Variants in LYST observed in about 807,000 individuals in gnomAD.
LYST encodes the protein lysosomal-trafficking regulator.
In LYST, 192 loss-of-function variants were observed where a neutral mutation model predicts 413.6. That is an observed-to-expected ratio of 0.46 (90% CI 0.41 to 0.52). The LOEUF is 0.52. LYST is among the 20% of genes least tolerant of loss of function. LYST has a pLI of 0.00. For synonymous variants in LYST, 1,525 were observed against 1,567.3 expected, an observed-to-expected ratio of 0.97 and a Z score of 0.64; for missense variants, 3,815 against 4,499.9, an observed-to-expected ratio of 0.85 and a Z score of 4.35.
rs1442133374 is a variant in LYST at position 235,808,760 on chromosome 1, C to A, written c.2058G>T (p.Leu686Phe). 6.2e-7 allele frequency: 1 copy of A among 1,613,976 alleles called. No homozygotes were observed. Among genetic ancestry groups the A allele is most frequent in the Non-Finnish European group, 8.5e-7 (1 of 1,180,000 alleles). Residue 686 changes from leucine (L) to phenylalanine (F), a missense_variant, in exon 5 of 53, where the codon TTG (leucine) becomes TTT (phenylalanine). Leu to Phe is a conservative substitution (Grantham distance 22, BLOSUM62 0). Transcript: ENST00000389793. ...CCTTTAAAGCATCCCATTTCCACAACAAATCTTCAGATCCACTGCTGGGCA... is the reference window on the plus strand; with the variant it reads ...CCTTTAAAGCATCCCATTTCCACAAAAAATCTTCAGATCCACTGCTGGGCA... ...GILPSSGSED[L>F]LWKWDALKAY... is the part of the protein sequence containing the mutation.
rs1317545310 is a variant in LYST, at chr1:235,806,240, T to C, written c.2896A>G (p.Met966Val). ...CTCAACATGTAGATCCAACGACACA[T>C]AGACCAAATGTCTGCTGCTTGGTGC... ...HMHQAADIWS[M>V]CRWIYMLSSV... is the part of the protein sequence containing the mutation. The change falls in exon 6 of 53, where the codon ATG (methionine) becomes GTG (valine). Residue 966 changes from methionine (M) to valine (V), a missense_variant. Transcript: ENST00000389793. The C allele has an allele frequency of 1.9e-6, 3 of 1,613,870 alleles. No individual in the cohort carries two copies. Among genetic ancestry groups the C allele is most frequent in the Admixed American group, 1.7e-5 (1 of 59,970 alleles).
chr1:235,835,588 T>C (rs1676487370), intron 1 of LYST, among the ~76,000 whole-genome samples: 2 of 152,362 alleles, frequency 1.3e-5, no homozygotes, highest in Admixed American at 6.5e-5. Context: ...AGTTTCATTT[T>C]ATCCAAGATC....
intron 29 of LYST, among the ~76,000 whole-genome samples, chr1:235,744,605 G>A (rs1371489904): frequency 8.1e-6 from 1 of 123,686 alleles, no homozygotes; most frequent in African/African-American, 3.3e-5. Context: ...TTAGAAAAGT[G>A]GAAAAAAAAA....
intron 50 of LYST, among the ~76,000 whole-genome samples, chr1:235,668,996 C>T (rs16832782): frequency 0.08 from 12,233 of 152,224 alleles, 1,593 homozygotes; most frequent in African/African-American, 0.27. Flanking sequence ...ATTACTTCTC[C>T]TGAACACAAG....
At chr1:235,764,996 C>T (rs2753328) in intron 21 of LYST, among the ~76,000 whole-genome samples, 41,603 of 151,964 alleles carry the variant, frequency 0.27, 7,513 homozygotes, top group East Asian at 0.75. Context: ...ACTAGTAATA[C>T]TACCAGCAGT....
At chr1:235,713,708 G>A (rs774386105) in intron 42 of LYST, among the ~76,000 whole-genome samples, 11 of 152,128 alleles carry the variant, frequency 7.2e-5, no homozygotes, top group East Asian at 1.9e-4. Flanking sequence ...CATGACAAAC[G>A]AATTATGCAG....
rs184643457 is a variant in LYST at position 235,854,548 on chromosome 1, C to T, written c.-98+12295G>A. On this transcript the variant is annotated intron_variant, in intron 1 of 52. Coordinates refer to ENST00000389793, the MANE Select transcript of LYST (RefSeq NM_000081.4). This position sits in a 1 kb window ranked among gnomAD's most constrained non-coding sequence, Gnocchi z 4.1. Reference sequence around the variant, plus strand: ...TTGACCACTTACTGGTTCACCTCTGCATCTGCTGCTCTATGACCTTGGGTA... The same window carrying T: ...TTGACCACTTACTGGTTCACCTCTGTATCTGCTGCTCTATGACCTTGGGTA... 3.3e-5 allele frequency among the ~76,000 whole-genome samples: 5 copies of T among 152,288 alleles called. No homozygotes were observed. Among genetic ancestry groups the T allele is most frequent in the African/African-American group, 9.6e-5 (4 of 41,554 alleles).
intron 12 of LYST, among the ~76,000 whole-genome samples, chr1:235,789,822 G>C (rs905037996): frequency 6.6e-6 from 1 of 152,100 alleles, no homozygotes; most frequent in Admixed American, 6.6e-5. Context: ...ATGAACTTCT[G>C]CAAATAAAAG....
At chr1:235,879,572 A>T (rs1435358137) in intron 1 of LYST, among the ~76,000 whole-genome samples, 2 of 152,232 alleles carry the variant, frequency 1.3e-5, no homozygotes, top group Non-Finnish European at 2.9e-5. Context: ...CTGTTCCTTT[A>T]ACACCATTCA....
At chr1:235,845,246 G>A (rs1041681250) in intron 1 of LYST, among the ~76,000 whole-genome samples, 20 of 152,184 alleles carry the variant, frequency 1.3e-4, no homozygotes, top group Admixed American at 2.6e-4. Flanking sequence ...GTTTGCTGGA[G>A]AAGTTTCTGA....
chr1:235,697,669 T>C (rs78155850), intron 45 of LYST, among the ~76,000 whole-genome samples: 1 of 152,332 alleles, frequency 6.6e-6, no homozygotes, highest in African/African-American at 2.4e-5. Flanking sequence ...CAAGACCACA[T>C]GTAGCACAGG....
At chr1:235,734,447 A>G in intron 32 of LYST, 36 bp downstream of exon 32, 1 of 1,532,380 alleles carries the variant, frequency 6.5e-7, no homozygotes. Flanking sequence ...CTATGATGGA[A>G]TCTCCTAAGA....
intron 31 of LYST, chr1:235,738,244 A>G: frequency 6.2e-7 from 1 of 1,611,016 alleles, no homozygotes; most frequent in East Asian, 2.2e-5. Flanking sequence ...TCTGGCAAAG[A>G]CTATACTGTA....
intron 5 of LYST, among the ~76,000 whole-genome samples, chr1:235,807,463 A>AT (rs1189097668): frequency 1.3e-5 from 2 of 152,202 alleles, no homozygotes; most frequent in Non-Finnish European, 2.9e-5. Flanking sequence ...CGAATACGCC[A>AT]AAGAGTTACA....
intron 31 of LYST, chr1:235,735,683 T>C (rs1029639403): frequency 2.0e-5 from 3 of 152,190 alleles, no homozygotes; most frequent in Admixed American, 1.3e-4. Context: ...CTGTGAATAG[T>C]ATTAAATGTC....
chr1:235,851,638 T>C (rs1016717188), intron 1 of LYST, among the ~76,000 whole-genome samples: 1 of 151,982 alleles, frequency 6.6e-6, no homozygotes, highest in Non-Finnish European at 1.5e-5. Context: ...TCATTAGGAA[T>C]ATTATTTTTA....
intron 10 of LYST, among the ~76,000 whole-genome samples, chr1:235,799,221 G>C (rs998993502): frequency 4.6e-5 from 7 of 152,060 alleles, no homozygotes; most frequent in African/African-American, 1.7e-4. Flanking sequence ...ATCACTATTT[G>C]GCAGATACCA....
chr1:235,782,840 T>C (rs1448365319), intron 14 of LYST, among the ~76,000 whole-genome samples: 1 of 152,212 alleles, frequency 6.6e-6, no homozygotes, highest in South Asian at 2.1e-4. Flanking sequence ...AAACATAACT[T>C]CTTCAAAATT....
Position 235,661,738 on chromosome 1 carries a change from C to T in LYST, c.*1202G>A, listed in dbSNP as rs888001341. 3.3e-5 allele frequency: 5 copies of T among 152,588 alleles called. No individual in the cohort carries two copies. The highest frequency in any genetic ancestry group is 5.9e-5 in the Non-Finnish European group (4 of 68,024). 9.5% of individuals were successfully genotyped at this position (152,588 alleles called of 1,614,324 possible). ...GATACATATTTTTATCCCATGGTAA[C>T]ATATTACTGAGCTTATCTGACAGTG... On this transcript the variant is annotated 3_prime_UTR_variant, in exon 53 of 53. Coordinates refer to ENST00000389793, the MANE Select transcript of LYST (RefSeq NM_000081.4).
Sources: gnomAD v4.1 joint callset for allele counts (sites outside exome capture counted in the v4.1 genomes callset) on GRCh38, gnomAD v4.1.1 for gene constraint, Gnocchi (gnomAD v3.1) non-coding constraint, MANE v1.5 for transcripts, NCBI Gene and HGNC (gene_info 2026-07-23, HGNC 2026-07-21) for gene names.